MTMR1: variants seen among roughly 807,000 people sequenced by gnomAD.
The protein encoded by MTMR1 is phosphatidylinositol-3-phosphate phosphatase MTMR1.
In MTMR1, 17 loss-of-function variants were observed where a neutral mutation model predicts 51.6. The ratio of observed to expected loss-of-function variants is 0.33; its 90% confidence interval spans 0.23 to 0.49. The LOEUF (loss-of-function observed/expected upper bound fraction) is 0.49, where lower values mean the gene tolerates loss of function less well. Ranked by LOEUF, MTMR1 falls within the 20% of genes least tolerant of loss-of-function variation. The pLI, the probability that MTMR1 is intolerant of heterozygous loss-of-function variation, is 0.99. For synonymous variants in MTMR1, 201 were observed against 205.6 expected, an observed-to-expected ratio of 0.98 and a Z score of 0.19; for missense variants, 386 against 526.9, an observed-to-expected ratio of 0.73 and a Z score of 2.62.
intron 6 of MTMR1, 83 bp downstream of exon 6, chrX:150,727,874 G>A: frequency 1.6e-6 from 1 of 617,570 alleles, no homozygotes; most frequent in East Asian, 3.5e-5. Flanking sequence ...ATGGTCTTTG[G>A]ACAGTAGAAT....
chrX:150,727,654 A>G (rs781864067), intron 5 of MTMR1, 30 bp from the exon 6 acceptor site: 1 of 1,054,390 alleles, frequency 9.5e-7, no homozygotes, highest in South Asian at 1.9e-5. Flanking sequence ...ACTGACACTA[A>G]TAGGCATTGA....
intron 1 of MTMR1, among the ~76,000 whole-genome samples, chrX:150,696,286 A>G (rs782510552): frequency 1.6e-4 from 18 of 111,682 alleles, no homozygotes; most frequent in Non-Finnish European, 3.0e-4. Flanking sequence ...CTGTCAGCTC[A>G]ACAAGCTCAG....
chrX:150,746,663 C>T (rs1391691431), intron 13 of MTMR1, among the ~76,000 whole-genome samples: 2 of 112,290 alleles, frequency 1.8e-5, no homozygotes, highest in Admixed American at 9.4e-5. Context: ...TCAAACTGAC[C>T]TCCATTCTTT....
intron 10 of MTMR1, chrX:150,735,337 G>A (rs1320328365): frequency 5.6e-6 from 2 of 357,338 alleles, no homozygotes; most frequent in Non-Finnish European, 9.7e-6. Context: ...CCCGTTCATG[G>A]TATGTGATCA....
At chrX:150,742,784 T>C (rs1269410791) in intron 12 of MTMR1, among the ~76,000 whole-genome samples, 3 of 84,889 alleles carry the variant, frequency 3.5e-5, no homozygotes, top group African/African-American at 4.9e-5. Flanking sequence ...GTCACTGCAC[T>C]CCAGCCTGGG....
At chrX:150,757,893 AAG>A (rs2042951021) in intron 15 of MTMR1, among the ~76,000 whole-genome samples, 1 of 110,602 alleles carries the variant, frequency 9.0e-6, no homozygotes, top group South Asian at 3.8e-4. Flanking sequence ...TACTTTGAGA[AAG>A]AGAGTGGAGG....
Position 150,718,618 on chromosome X carries a change from T to G in MTMR1, c.277-7T>G, listed in dbSNP as rs1042414390. The stretch of plus-strand genomic sequence containing the variant: ...TTTTTTTTTTTTTTTTTTTTTTTTT[T>G]TGCCAGGCTCTAAGGGATGGAAATA... On this transcript the variant is annotated splice_polypyrimidine_tract_variant and splice_region_variant and intron_variant, in intron 3 of 15. Transcript: ENST00000445323. The G allele has an allele frequency of 1.8e-6, 1 of 566,277 alleles. No homozygotes were observed. Among genetic ancestry groups the G allele is most frequent in the East Asian group, 4.8e-5 (1 of 20,924 alleles). The allele number at this position is 566,277 out of a possible 1,213,427, so 46.7% of individuals were successfully genotyped here. A position where few individuals can be genotyped will look rare whatever the true frequency, so the allele number is the denominator to read the frequency against.
Position 150,762,834 on chromosome X carries a change from GC to G in MTMR1, c.*108del. 1 of 907,637 alleles carries G rather than the reference GC, an allele frequency of 1.1e-6. No homozygotes were observed. Among genetic ancestry groups the G allele is most frequent in the East Asian group, 3.8e-5 (1 of 26,255 alleles). The allele number at this position is 907,637 out of a possible 1,213,427, so 74.8% of individuals were successfully genotyped here. A position where few individuals can be genotyped will look rare whatever the true frequency, so the allele number is the denominator to read the frequency against. On this transcript the variant is annotated 3_prime_UTR_variant, in exon 16 of 16. Transcript: ENST00000445323. ...TTGTGATCTTGTCTTTTAGGATTAG[GC>G]CCAGGGACCATTTGTGTGGCTAGGT...
chrX:150,761,818 C>G (rs782207507), intron 15 of MTMR1, among the ~76,000 whole-genome samples: 2 of 112,639 alleles, frequency 1.8e-5, no homozygotes, highest in Non-Finnish European at 3.8e-5. Flanking sequence ...GCTTGTTAGG[C>G]GAGTGGGTTG....
intron 4 of MTMR1, among the ~76,000 whole-genome samples, chrX:150,720,200 A>C (rs1188546687): frequency 1.1e-4 from 12 of 111,772 alleles, no homozygotes; most frequent in African/African-American, 3.9e-4. Flanking sequence ...CATTGTCAGA[A>C]TGTGAAGAGT....
chrX:150,715,301 G>C (rs1241662020), intron 3 of MTMR1, among the ~76,000 whole-genome samples: 1 of 112,044 alleles, frequency 8.9e-6, no homozygotes, highest in Admixed American at 9.5e-5. Flanking sequence ...TTGTTGGGTG[G>C]GCTGGAGCCC....
intron 4 of MTMR1, among the ~76,000 whole-genome samples, chrX:150,721,038 C>T: frequency 8.9e-6 from 1 of 111,782 alleles, no homozygotes; most frequent in Non-Finnish European, 1.9e-5. Flanking sequence ...AATGCTCTTT[C>T]TGCATTGATT....
At chrX:150,710,191 G>T (rs1291850491) in intron 2 of MTMR1, among the ~76,000 whole-genome samples, 1 of 111,601 alleles carries the variant, frequency 9.0e-6, no homozygotes, top group Admixed American at 9.5e-5. Context: ...GCGCCATGCT[G>T]AGGCAGTATA....
rs1221100995 is a variant in MTMR1, at chrX:150,715,124, T to G, written c.276+2759T>G. Among the ~76,000 whole-genome samples, 3 of 112,013 alleles carry G rather than the reference T, an allele frequency of 2.7e-5. No homozygotes were observed. The East Asian group carries it at 8.4e-4, about 31-fold the overall frequency. On this transcript the variant is annotated intron_variant, in intron 3 of 15. Coordinates refer to ENST00000445323, the MANE Select transcript of MTMR1 (RefSeq NM_001306144.3). Reference sequence around the variant, plus strand: ...GTGTGGCATGCCCCAGGTGCTCAGCTGCACCATTGTCCACCATCATCCAGC... The same window carrying G: ...GTGTGGCATGCCCCAGGTGCTCAGCGGCACCATTGTCCACCATCATCCAGC...
At chrX:150,737,035 T>C (rs1314186844) in intron 11 of MTMR1, among the ~76,000 whole-genome samples, 3 of 111,724 alleles carry the variant, frequency 2.7e-5, no homozygotes, top group African/African-American at 9.8e-5. Context: ...ACTCCTGTAG[T>C]TTTTCTCCAG....
chrX:150,716,715 T>C (rs1296614432), intron 3 of MTMR1, among the ~76,000 whole-genome samples: 1 of 112,520 alleles, frequency 8.9e-6, no homozygotes, highest in Non-Finnish European at 1.9e-5. Flanking sequence ...TAGTTTGGCT[T>C]TCTTCCCTGT....
chrX:150,737,763 C>G (rs1184815410), intron 12 of MTMR1, among the ~76,000 whole-genome samples: 1 of 111,853 alleles, frequency 8.9e-6, no homozygotes, highest in African/African-American at 3.3e-5. Flanking sequence ...TAACCATCAC[C>G]TCTAGTTTGA....
At chrX:150,718,566 T>C in intron 3 of MTMR1, 59 bp from the exon 4 acceptor site, 1 of 1,098,852 alleles carries the variant, frequency 9.1e-7, no homozygotes, top group South Asian at 2.2e-5. Context: ...AAAGTGAGAT[T>C]TACTCCCGTT....
At chrX:150,757,296 G>A (rs1371679572) in intron 15 of MTMR1, among the ~76,000 whole-genome samples, 3 of 112,423 alleles carry the variant, frequency 2.7e-5, no homozygotes, top group African/African-American at 9.7e-5. Flanking sequence ...GGTGCGCCCC[G>A]CTGCCCCAGG....
Sources: gnomAD v4.1 joint callset for allele counts (sites outside exome capture counted in the v4.1 genomes callset) on GRCh38, gnomAD v4.1.1 for gene constraint, MANE v1.5 for transcripts, NCBI Gene and HGNC (gene_info 2026-07-23, HGNC 2026-07-21) for gene names.